Variants in FMNL2 observed in about 807,000 individuals in gnomAD.
FMNL2 encodes the protein formin-like protein 2.
A neutral mutation model predicts 130.2 loss-of-function variants in FMNL2; 51 were observed. The ratio of observed to expected loss-of-function variants is 0.39; its 90% CI spans 0.31 to 0.49. The LOEUF (loss-of-function observed/expected upper bound fraction) is 0.49. FMNL2 is among the 20% of genes least tolerant of loss of function. FMNL2 has a pLI of 0.85. For synonymous variants in FMNL2, 465 were observed against 467.1 expected, an observed-to-expected ratio of 1.00 and a Z score of 0.06; for missense variants, 977 against 1,316.2, an observed-to-expected ratio of 0.74 and a Z score of 3.99.
chr2:152,426,304 G>A (rs1687197510), intron 1 of FMNL2, among the ~76,000 whole-genome samples: 1 of 152,188 alleles, frequency 6.6e-6, no homozygotes, highest in South Asian at 2.1e-4. Flanking sequence ...GGGTACTTGT[G>A]TATTTAGAAG....
At chr2:152,567,160 A>G (rs942700286) in intron 6 of FMNL2, among the ~76,000 whole-genome samples, 7 of 152,226 alleles carry the variant, frequency 4.6e-5, no homozygotes, top group African/African-American at 1.4e-4. Context: ...CACATTTCAC[A>G]TGGGGCTATG....
intron 1 of FMNL2, among the ~76,000 whole-genome samples, chr2:152,392,629 A>G (rs911471337): frequency 5.9e-5 from 9 of 152,184 alleles, no homozygotes; most frequent in African/African-American, 1.9e-4. Context: ...CTCTTTTATA[A>G]GAGCCTTAAT....
intron 9 of FMNL2, among the ~76,000 whole-genome samples, chr2:152,588,435 C>T (rs913700344): frequency 6.6e-6 from 1 of 152,164 alleles, no homozygotes; most frequent in African/African-American, 2.4e-5. Flanking sequence ...CCTGAAGTCC[C>T]TTAATTTGAT....
At chr2:152,534,034 TTC>T (rs949449897) in intron 2 of FMNL2, among the ~76,000 whole-genome samples, 4 of 152,214 alleles carry the variant, frequency 2.6e-5, no homozygotes, top group African/African-American at 9.6e-5. Flanking sequence ...ATTTTATGGC[TTC>T]TGTAATAGAA....
chr2:152,402,249 TG>T (rs1330578852), intron 1 of FMNL2, among the ~76,000 whole-genome samples: 1 of 152,194 alleles, frequency 6.6e-6, no homozygotes, highest in African/African-American at 2.4e-5. Flanking sequence ...TGTTCTCATC[TG>T]TAAATAGTGG....
chr2:152,617,429 G>A lies in FMNL2; in HGVS notation c.1314+237G>A, dbSNP rs1189399205. 2.6e-5 allele frequency among the ~76,000 whole-genome samples: 4 copies of A among 152,228 alleles called. No homozygotes were observed. The East Asian group carries it at 7.7e-4, about 29-fold the overall frequency. ...TATTTCCTTATCACAGATTTTGGGA[G>A]CAACAGTGTTTTCCCATCTGGAGGA... On this transcript the variant is annotated intron_variant, in intron 13 of 25. Coordinates refer to ENST00000288670, the MANE Select transcript of FMNL2 (RefSeq NM_052905.4).
In FMNL2 at chr2:152,577,694, C is replaced by T. The variant is rs370314232; in HGVS notation, c.706-1194C>T. Among the ~76,000 whole-genome samples, 9 of 152,238 alleles carry T rather than the reference C, an allele frequency of 5.9e-5. 1 individual carries two copies. The South Asian group carries it at 1.9e-3, about 32-fold the overall frequency. ...GAGTATTCAGCTCTGTTAGATGCTGCTAAGTCAAGTAAGATGTGGAGTGAG... is the reference window on the plus strand; with the variant it reads ...GAGTATTCAGCTCTGTTAGATGCTGTTAAGTCAAGTAAGATGTGGAGTGAG... On this transcript the variant is annotated intron_variant, in intron 7 of 25. Transcript: ENST00000288670.
At chr2:152,389,326 A>G (rs981067365) in intron 1 of FMNL2, among the ~76,000 whole-genome samples, 6 of 152,178 alleles carry the variant, frequency 3.9e-5, no homozygotes, top group Non-Finnish European at 8.8e-5. Context: ...GTATCTTCAT[A>G]TAGCAGAAAG....
chr2:152,601,179 C>T (rs768895934), intron 9 of FMNL2, among the ~76,000 whole-genome samples: 5 of 152,106 alleles, frequency 3.3e-5, no homozygotes, highest in Non-Finnish European at 5.9e-5. Context: ...TAGGCTTTCC[C>T]TTTCTCGGCC....
At chr2:152,601,753 T>A (rs1698088622) in intron 9 of FMNL2, among the ~76,000 whole-genome samples, 1 of 148,852 alleles carries the variant, frequency 6.7e-6, no homozygotes, top group Non-Finnish European at 1.5e-5. Flanking sequence ...CACTGGAACC[T>A]TCACCTCCCA....
Position 152,575,245 on chromosome 2 carries a change from G to A in FMNL2, c.705+1G>A. ...TTTACGTGCCATCATGAATTATCAG[G>A]TATGTTGGAGCTTCTGGTTCTTTTA... On this transcript the variant is annotated splice_donor_variant, in intron 7 of 25. Coordinates refer to ENST00000288670, the MANE Select transcript of FMNL2 (RefSeq NM_052905.4). LOFTEE classifies it high-confidence loss of function. The A allele has an allele frequency of 6.4e-7, 1 of 1,566,806 alleles. No individual in the cohort carries two copies. The highest frequency in any genetic ancestry group is 8.7e-7 in the Non-Finnish European group (1 of 1,147,416).
At chr2:152,480,925 G>C (rs1690483606) in intron 1 of FMNL2, among the ~76,000 whole-genome samples, 1 of 152,078 alleles carries the variant, frequency 6.6e-6, no homozygotes, top group Non-Finnish European at 1.5e-5. Context: ...AGTACACTAA[G>C]AACAAAATTT....
chr2:152,616,633 T>C (rs187484161), intron 12 of FMNL2, among the ~76,000 whole-genome samples: 2 of 152,252 alleles, frequency 1.3e-5, no homozygotes, highest in Admixed American at 1.3e-4. Flanking sequence ...CTTTTATTAC[T>C]TGCATAGTTT....
chr2:152,560,985 C>G lies in FMNL2; in HGVS notation c.546C>G (p.Pro182=). ...ACCTGCACAGAGGGAGCAACCTGCC[C>G]TCACCTGTGGGCAACAGTGTCTCCC... ...IEDLHRGSNL[P]SPVGNSVSRS... The change falls in exon 6 of 26, where the codon CCC becomes CCG. Residue 182 remains proline, a synonymous_variant. Transcript: ENST00000288670. The G allele has an allele frequency of 6.2e-7, 1 of 1,605,906 alleles. No homozygotes were observed. Among genetic ancestry groups the G allele is most frequent in the South Asian group, 1.1e-5 (1 of 89,644 alleles).
chr2:152,362,136 A>G (rs1444375089), intron 1 of FMNL2, among the ~76,000 whole-genome samples: 1 of 152,110 alleles, frequency 6.6e-6, no homozygotes, highest in African/African-American at 2.4e-5. Context: ...CATATCTTTA[A>G]TTAGAACTTT....
intron 2 of FMNL2, 83 bp downstream of exon 2, chr2:152,522,109 T>C (rs1693128646): frequency 9.7e-6 from 11 of 1,135,858 alleles, no homozygotes; most frequent in Non-Finnish European, 5.1e-6. Context: ...GTCAATATCA[T>C]GATTGAAAAA....
chr2:152,540,725 A>G (rs922284591), intron 2 of FMNL2, among the ~76,000 whole-genome samples: 7 of 150,888 alleles, frequency 4.6e-5, no homozygotes, highest in Admixed American at 2.6e-4. Context: ...TAGCATTGGG[A>G]GATATACCTA....
intron 7 of FMNL2, among the ~76,000 whole-genome samples, chr2:152,578,279 C>T (rs1213652357): frequency 6.6e-6 from 1 of 152,092 alleles, no homozygotes; most frequent in Non-Finnish European, 1.5e-5. Context: ...GTACTGATCC[C>T]TGGTGTAGTC....
chr2:152,471,874 A>G (rs1034565905), intron 1 of FMNL2, among the ~76,000 whole-genome samples: 4 of 152,098 alleles, frequency 2.6e-5, no homozygotes, highest in South Asian at 2.1e-4. Flanking sequence ...AAAGCTTTTG[A>G]AAATTTCAAA....
Sources: allele counts gnomAD v4.1 joint callset (sites outside exome capture counted in the v4.1 genomes callset), GRCh38; gene constraint gnomAD v4.1.1; transcripts MANE v1.5; gene names NCBI Gene and HGNC (gene_info 2026-07-23, HGNC 2026-07-21).